EDA: variants seen among roughly 807,000 people sequenced by gnomAD.
EDA encodes the protein ectodysplasin A.
A neutral mutation model predicts 23.6 loss-of-function variants in EDA; 2 were observed. The ratio of observed to expected loss-of-function variants is 0.08; its 90% CI spans 0.03 to 0.27. The LOEUF is 0.27. Among genes scored for constraint, EDA ranks in the 10% least tolerant of loss-of-function variants. EDA has a pLI of 1.00. For missense variants in EDA, 229 were observed against 324.2 expected (o/e 0.71, Z 2.26); for synonymous variants, 131 against 132.0 (o/e 0.99, Z 0.05).
chrX:69,797,266 C>G (rs2015566623), intron 1 of EDA, among the ~76,000 whole-genome samples: 1 of 110,869 alleles, frequency 9.0e-6, no homozygotes, highest in Admixed American at 9.6e-5. Flanking sequence ...GCAAAAAGAT[C>G]TTCTCCATGG....
intron 1 of EDA, chrX:69,938,003 A>C: frequency 8.5e-7 from 1 of 1,178,646 alleles, no homozygotes; most frequent in African/African-American, 1.7e-5. Flanking sequence ...TATGATGTAC[A>C]GTTGCTGCTG....
intron 1 of EDA, among the ~76,000 whole-genome samples, chrX:69,788,728 G>T (rs1314588767): frequency 2.7e-5 from 3 of 113,127 alleles, no homozygotes; most frequent in Non-Finnish European, 5.6e-5. Flanking sequence ...GTCTGCAGAG[G>T]TTACTGCTGT....
chrX:69,978,259 G>C (rs1296284052), intron 2 of EDA, among the ~76,000 whole-genome samples: 2 of 96,626 alleles, frequency 2.1e-5, no homozygotes, highest in Non-Finnish European at 4.1e-5. Context: ...CAAGGTGGAA[G>C]GATTGCCTGA....
At chrX:70,004,431 C>T (rs7886242) in intron 2 of EDA, among the ~76,000 whole-genome samples, 39,268 of 110,965 alleles carry the variant, frequency 0.35, 6,245 homozygotes, top group African/African-American at 0.63. Context: ...ACAGCAGATG[C>T]TGAAACTGTA....
At chrX:69,710,068 G>T (rs1327141071) in intron 1 of EDA, among the ~76,000 whole-genome samples, 1 of 111,492 alleles carries the variant, frequency 9.0e-6, no homozygotes, top group African/African-American at 3.3e-5. Flanking sequence ...TGAAGTCCTT[G>T]CCCATGCCTA....
chrX:69,947,673 T>C (rs2018853557), intron 1 of EDA, among the ~76,000 whole-genome samples: 1 of 112,166 alleles, frequency 8.9e-6, no homozygotes, highest in Non-Finnish European at 1.9e-5. Context: ...AGAATCTCAG[T>C]AGTAGTCATC....
chrX:69,990,743 T>C (rs954915852), intron 2 of EDA, among the ~76,000 whole-genome samples: 2 of 107,656 alleles, frequency 1.9e-5, no homozygotes, highest in African/African-American at 6.8e-5. Flanking sequence ...GCTAGGGCTT[T>C]TTTTTTTTTT....
chrX:69,875,525 A>G (rs765459322), intron 1 of EDA, among the ~76,000 whole-genome samples: 3 of 112,341 alleles, frequency 2.7e-5, no homozygotes, highest in Non-Finnish European at 5.6e-5. Flanking sequence ...TGAAACTATA[A>G]AAATTCTAGA....
intron 1 of EDA, among the ~76,000 whole-genome samples, chrX:69,888,545 C>A (rs751722229): frequency 3.7e-5 from 4 of 108,092 alleles, no homozygotes; most frequent in Non-Finnish European, 7.7e-5. Context: ...GACATTCTGC[C>A]CACAAGAGAC....
intron 1 of EDA, among the ~76,000 whole-genome samples, chrX:69,692,230 G>T (rs1012483569): frequency 1.5e-4 from 17 of 111,612 alleles, no homozygotes; most frequent in African/African-American, 4.9e-4. Context: ...TCTATGGATT[G>T]CCTGTACAGT....
chrX:69,859,642 A>G (rs1181812316), intron 1 of EDA, among the ~76,000 whole-genome samples: 1 of 111,905 alleles, frequency 8.9e-6, no homozygotes, highest in Non-Finnish European at 1.9e-5. Context: ...TTTGCTTACA[A>G]TTATGCAATC....
chrX:69,790,484 T>C (rs1386096676), intron 1 of EDA, among the ~76,000 whole-genome samples: 1 of 111,736 alleles, frequency 8.9e-6, no homozygotes, highest in African/African-American at 3.2e-5. Flanking sequence ...GAATATTCAG[T>C]GTGTGACCCA....
intron 1 of EDA, among the ~76,000 whole-genome samples, chrX:69,889,820 G>A (rs1188432948): frequency 9.0e-6 from 1 of 111,182 alleles, no homozygotes; most frequent in Non-Finnish European, 1.9e-5. Context: ...TGTTGGTATT[G>A]CTTGTGCTTT....
chrX:69,815,536 C>T (rs1269588336), intron 1 of EDA, among the ~76,000 whole-genome samples: 2 of 111,868 alleles, frequency 1.8e-5, no homozygotes, highest in East Asian at 5.7e-4. Context: ...GGAAGGGTCC[C>T]TCACAGTGCA....
At chrX:69,741,256 C>T (rs2013450676) in intron 1 of EDA, among the ~76,000 whole-genome samples, 1 of 111,309 alleles carries the variant, frequency 9.0e-6, no homozygotes, top group Non-Finnish European at 1.9e-5. Flanking sequence ...TTTACCCATT[C>T]TTTGCATGTT....
At chrX:69,799,861 C>G (rs1050352380) in intron 1 of EDA, among the ~76,000 whole-genome samples, 4 of 107,642 alleles carry the variant, frequency 3.7e-5, no homozygotes, top group Middle Eastern at 4.5e-3. Context: ...CTAGCAATCC[C>G]ACTACTGGGA....
intron 1 of EDA, among the ~76,000 whole-genome samples, chrX:69,872,003 A>G (rs2017573666): frequency 8.9e-6 from 1 of 111,830 alleles, no homozygotes; most frequent in Non-Finnish European, 1.9e-5. Flanking sequence ...AGACAAAAAC[A>G]TCAGGAAACT....
intron 1 of EDA, among the ~76,000 whole-genome samples, chrX:69,625,739 A>G (rs1932358808): frequency 9.0e-6 from 1 of 111,349 alleles, no homozygotes; most frequent in Non-Finnish European, 1.9e-5. Flanking sequence ...AGAAGAAAAC[A>G]TAGAAAATCC....
chrX:69,764,849 A>G (rs1377854870), intron 1 of EDA, among the ~76,000 whole-genome samples: 1 of 111,458 alleles, frequency 9.0e-6, no homozygotes, highest in Non-Finnish European at 1.9e-5. Context: ...ACACCTTGTC[A>G]TCTAGGGTGG....
Sources: allele counts gnomAD v4.1 joint callset (sites outside exome capture counted in the v4.1 genomes callset), GRCh38; gene constraint gnomAD v4.1.1; transcripts MANE v1.5; gene names NCBI Gene and HGNC (gene_info 2026-07-23, HGNC 2026-07-21).